Variants in BPIFB6 observed in about 807,000 individuals in gnomAD.
The protein encoded by BPIFB6 is BPI fold containing family B member 6.
In BPIFB6, 47 loss-of-function variants were observed where a neutral mutation model predicts 54.7. The observed-to-expected ratio is 0.86, with a 90% CI of 0.68 to 1.10. BPIFB6 has a LOEUF of 1.10. Among genes scored for constraint, BPIFB6 ranks in the 50% least tolerant of loss-of-function variants. The pLI, the probability that BPIFB6 is intolerant of heterozygous loss-of-function variation, is 0.00. For synonymous variants in BPIFB6, 255 were observed against 225.9 expected (o/e 1.13, Z -1.16); for missense variants, 603 against 564.1 (o/e 1.07, Z -0.70).
chr20:33,039,329 G>C lies in BPIFB6; in HGVS notation c.901-18G>C. On this transcript the variant is annotated intron_variant, in intron 9 of 14. Transcript: ENST00000349552. ...AGTCTAAGGACTGGCCCTGAGTGAA[G>C]TGTTCTGGTTTCTGTAGGTGGCTGT... 1 of 1,592,612 alleles carries C rather than the reference G, an allele frequency of 6.3e-7. No homozygotes were observed. The highest frequency in any genetic ancestry group is 8.5e-7 in the Non-Finnish European group (1 of 1,170,478).
At chr20:33,032,207 G>T (rs1004029909) in intron 1 of BPIFB6, among the ~76,000 whole-genome samples, 1 of 152,196 alleles carries the variant, frequency 6.6e-6, no homozygotes, top group East Asian at 1.9e-4. Context: ...TCTTGGAGGA[G>T]ACCTTAGTAA....
chr20:33,041,901 G>T, intron 11 of BPIFB6, 69 bp from the exon 12 acceptor site: 1 of 1,470,966 alleles, frequency 6.8e-7, no homozygotes, highest in Non-Finnish European at 9.5e-7. Context: ...CCCTTCTCCA[G>T]CGCCAGGGCC....
Position 33,034,900 on chromosome 20 carries a change from A to C in BPIFB6, c.440A>C (p.Asn147Thr). The C allele has an allele frequency of 6.2e-7, 1 of 1,609,858 alleles. No homozygotes were observed. The highest frequency in any genetic ancestry group is 8.5e-7 in the Non-Finnish European group (1 of 1,176,534). Residue 147 changes from asparagine (N) to threonine (T), a missense_variant, in exon 4 of 15, where the codon AAC (asparagine) becomes ACC (threonine). Coordinates refer to ENST00000349552, the MANE Select transcript of BPIFB6 (RefSeq NM_174897.2). ...GTCATCCTGGTCAATGTGAAGACTA[A>C]CCTGCCTAGCAAGTGAGGGGCTCTG... ...CEVILVNVKTNLPSNMLPKMV... is the reference protein window; with the variant it reads ...CEVILVNVKTTLPSNMLPKMV...
At chr20:33,038,606 C>T (rs1413401534) in intron 8 of BPIFB6, among the ~76,000 whole-genome samples, 1 of 152,372 alleles carries the variant, frequency 6.6e-6, no homozygotes, top group Non-Finnish European at 1.5e-5. Flanking sequence ...GTCTATTCAT[C>T]TCCAAATATG....
At chr20:33,042,043 C>A (rs764784788) in intron 12 of BPIFB6, 28 bp downstream of exon 12, 2 of 1,607,484 alleles carry the variant, frequency 1.2e-6, no homozygotes. Context: ...TCTTGCCTGT[C>A]CGGCGTGAGG....
chr20:33,038,886 T>C (rs781073920), intron 8 of BPIFB6, 23 bp from the exon 9 acceptor site: 3 of 1,613,842 alleles, frequency 1.9e-6, no homozygotes, highest in Admixed American at 1.7e-5. Flanking sequence ...CCAGCAACCC[T>C]AACCTTGACT....
chr20:33,042,896 C>T lies in BPIFB6; in HGVS notation c.1252+18C>T. 7 of 1,611,850 alleles carry T rather than the reference C, an allele frequency of 4.3e-6. No homozygotes were observed. Among genetic ancestry groups the T allele is most frequent in the South Asian group, 3.3e-5 (3 of 90,998 alleles). On this transcript the variant is annotated intron_variant, in intron 13 of 14. Transcript: ENST00000349552. ...TGTCAATGGTGAGGGTTCCAAAAGG[C>T]TTTGGACCATGGTGCCAAGAAGCAC...
At chr20:33,040,413 C>A in intron 11 of BPIFB6, 95 bp downstream of exon 11, 1 of 1,184,584 alleles carries the variant, frequency 8.4e-7, no homozygotes, top group South Asian at 1.3e-5. Flanking sequence ...ATCCACCCAG[C>A]ACACCCCCAA....
At chr20:33,034,532 A>G (rs1436541584) in intron 3 of BPIFB6, among the ~76,000 whole-genome samples, 1 of 152,210 alleles carries the variant, frequency 6.6e-6, no homozygotes, top group East Asian at 1.9e-4. Flanking sequence ...ATGGGGAGGC[A>G]ATGACAGCAA....
intron 7 of BPIFB6, 30 bp from the exon 8 acceptor site, chr20:33,037,532 G>T: frequency 1.9e-6 from 3 of 1,584,700 alleles, no homozygotes; most frequent in Non-Finnish European, 2.6e-6. Context: ...CTCGGCCAAG[G>T]CTGAGTGTCT....
intron 13 of BPIFB6, 111 bp from the exon 14 acceptor site, chr20:33,043,180 G>C (rs1979664342): frequency 1.1e-6 from 1 of 938,006 alleles, no homozygotes. Flanking sequence ...ACAGCTGGCA[G>C]GCATCATGAA....
chr20:33,041,204 T>A (rs531391086), intron 11 of BPIFB6, among the ~76,000 whole-genome samples: 2 of 152,226 alleles, frequency 1.3e-5, no homozygotes, highest in South Asian at 4.2e-4. Flanking sequence ...TTAGCCAGGA[T>A]GGTCTGGATT....
At position 33,041,946 on chromosome 20, in the gene BPIFB6, G is replaced by A; in HGVS notation, c.1143-24G>A. 12 of 1,613,366 alleles carry A rather than the reference G, an allele frequency of 7.4e-6. No homozygotes were observed. In the South Asian group the frequency reaches 1.2e-4, roughly 16 times the overall value. The stretch of plus-strand genomic sequence containing the variant: ...GACCGTTCTTTCCCCTCCCCGCCTG[G>A]CTTGCTTCCCCACTCCCCCACAGAT... On this transcript the variant is annotated intron_variant, in intron 11 of 14. Transcript: ENST00000349552.
Position 33,039,268 on chromosome 20 carries a change from T to C in BPIFB6, c.901-79T>C. ...CTGTGTCCAACGTAGAAATCACCTA[T>C]GTCTTGAGGGACCCCTTATTTCAAC... On this transcript the variant is annotated intron_variant, in intron 9 of 14. Coordinates refer to ENST00000349552, the MANE Select transcript of BPIFB6 (RefSeq NM_174897.2). 35 of 1,398,368 alleles carry C rather than the reference T, an allele frequency of 2.5e-5. No individual in the cohort carries two copies. The South Asian group carries it at 4.5e-4, about 18-fold the overall frequency. 86.6% of individuals were successfully genotyped at this position (1,398,368 alleles called of 1,614,324 possible).
At chr20:33,035,268 AC>A in intron 5 of BPIFB6, 124 bp downstream of exon 5, 1 of 1,009,728 alleles carries the variant, frequency 9.9e-7, no homozygotes, top group Non-Finnish European at 1.5e-6. Context: ...GGGTTCTGAG[AC>A]TGTGGCTGGC....
At chr20:33,038,590 C>T (rs1293251555) in intron 8 of BPIFB6, among the ~76,000 whole-genome samples, 3 of 152,218 alleles carry the variant, frequency 2.0e-5, no homozygotes, top group African/African-American at 7.2e-5. Context: ...GTTTCCCCAT[C>T]CATCTGTCTA....
chr20:33,033,461 G>T, intron 2 of BPIFB6: 1 of 454,818 alleles, frequency 2.2e-6, no homozygotes, highest in Non-Finnish European at 4.4e-6. Context: ...AGAGGAAACT[G>T]GTTCCTCTGC....
chr20:33,037,863 C>G, intron 8 of BPIFB6, 125 bp downstream of exon 8: 3 of 1,050,926 alleles, frequency 2.9e-6, no homozygotes, highest in Non-Finnish European at 4.2e-6. Flanking sequence ...GATGCAGGAC[C>G]GATTTGAGTT....
Position 33,037,649 on chromosome 20 carries a change from T to A in BPIFB6, c.757T>A (p.Ser253Thr). Reference sequence around the variant, plus strand: ...GTTCCCTGAGGGTTATGCCAAAGGCTCGTCGCAGCTGCTGCTCCCAGCCAC... The same window carrying A: ...GTTCCCTGAGGGTTATGCCAAAGGCACGTCGCAGCTGCTGCTCCCAGCCAC... The part of the protein sequence containing the change: ...LTFPEGYAKG[S>T]SQLLLPATFL... Residue 253 changes from serine (S) to threonine (T), a missense_variant, in exon 8 of 15, where the codon TCG (serine) becomes ACG (threonine). Transcript: ENST00000349552. The A allele has an allele frequency of 6.2e-7, 1 of 1,614,128 alleles. No individual in the cohort carries two copies. Among genetic ancestry groups the A allele is most frequent in the Non-Finnish European group, 8.5e-7 (1 of 1,180,014 alleles).
Sources: allele counts gnomAD v4.1 joint callset (sites outside exome capture counted in the v4.1 genomes callset), GRCh38; gene constraint gnomAD v4.1.1; transcripts MANE v1.5; gene names NCBI Gene and HGNC (gene_info 2026-07-23, HGNC 2026-07-21).